ADAT1: variants seen among roughly 807,000 people sequenced by gnomAD.
The protein encoded by ADAT1 is adenosine deaminase tRNA specific 1.
ADAT1 carries 58 observed loss-of-function variants against 58.6 expected under a neutral mutation model. The observed-to-expected ratio is 0.99, with a 90% CI of 0.80 to 1.23. The LOEUF is 1.23. Among genes scored for constraint, ADAT1 ranks in the 50% most tolerant of loss-of-function variants. The pLI, the probability that ADAT1 is intolerant of heterozygous loss-of-function variation, is 0.00. For missense variants in ADAT1, 741 were observed against 608.6 expected (o/e 1.22, Z -2.29); for synonymous variants, 254 against 220.8 (o/e 1.15, Z -1.33).
chr16:75,619,014 G>A (rs2081840996), intron 3 of ADAT1, among the ~76,000 whole-genome samples: 1 of 152,214 alleles, frequency 6.6e-6, no homozygotes, highest in South Asian at 2.1e-4. Context: ...TCACCCCCAG[G>A]TGAGAAACAT....
chr16:75,614,784 A>G (rs1193971500), intron 5 of ADAT1, among the ~76,000 whole-genome samples: 3 of 152,222 alleles, frequency 2.0e-5, no homozygotes, highest in Non-Finnish European at 2.9e-5. Context: ...CCAGAGAGGC[A>G]CATTCTCTAG....
rs56029288 is a variant in ADAT1, at chr16:75,612,610, T to C, written c.676A>G (p.Ile226Val). The change falls in exon 6 of 10, where the codon ATC (isoleucine) becomes GTC (valine). Residue 226 changes from isoleucine (I) to valine (V), a missense_variant. Physicochemically the swap from Ile to Val is conservative, Grantham distance 29 (BLOSUM62 3). Transcript: ENST00000564657. ...QSFGKQKSGP[I>V]SPGIHSCDLT... Reference sequence around the variant, plus strand: ...TCACAGCTGTGGATGCCTGGTGAGATTGGGCCACTTTTCTGCTTGCCAAAA... The same window carrying C: ...TCACAGCTGTGGATGCCTGGTGAGACTGGGCCACTTTTCTGCTTGCCAAAA... 0.011 allele frequency: 17,236 copies of C among 1,613,934 alleles called. 1,564 individuals are homozygous for C. In the African/African-American group the frequency reaches 0.2, roughly 19 times the overall value.
intron 3 of ADAT1, 199 bp from the exon 4 acceptor site, chr16:75,618,839 GC>G: frequency 1.8e-6 from 1 of 548,812 alleles, no homozygotes; most frequent in Non-Finnish European, 3.1e-6. Flanking sequence ...GACATTTTGG[GC>G]CAGAAAATTT....
intron 6 of ADAT1, among the ~76,000 whole-genome samples, chr16:75,610,166 T>C (rs2081485846): frequency 6.6e-6 from 1 of 152,258 alleles, no homozygotes. Context: ...TATAGCTGAA[T>C]CATAGTCCAT....
intron 8 of ADAT1, among the ~76,000 whole-genome samples, chr16:75,603,829 G>C (rs1435438542): frequency 1.3e-5 from 2 of 152,270 alleles, no homozygotes; most frequent in African/African-American, 4.8e-5. Flanking sequence ...ACAATGTGCA[G>C]TCTCACTTTT....
chr16:75,617,097 G>A, intron 5 of ADAT1, 45 bp downstream of exon 5: 3 of 1,572,772 alleles, frequency 1.9e-6, no homozygotes, highest in South Asian at 1.1e-5. Flanking sequence ...CAAACATAAG[G>A]AAGTAGTTCA....
chr16:75,609,770 C>A (rs1233333895), intron 6 of ADAT1, among the ~76,000 whole-genome samples: 1 of 152,176 alleles, frequency 6.6e-6, no homozygotes, highest in Admixed American at 6.5e-5. Context: ...GTCACATGAT[C>A]TCGGCTCACT....
Position 75,608,935 on chromosome 16 carries a change from A to G in ADAT1, c.1097T>C (p.Ile366Thr). The G allele has an allele frequency of 6.2e-7, 1 of 1,614,228 alleles. No individual in the cohort carries two copies. The highest frequency in any genetic ancestry group is 8.5e-7 in the Non-Finnish European group (1 of 1,180,036). Residue 366 changes from isoleucine to threonine, a missense_variant, in exon 7 of 10, where the codon ATA (isoleucine) becomes ACA (threonine). Physicochemically the swap from Ile to Thr is moderately conservative, Grantham distance 89. Transcript: ENST00000564657. ...PKGFGVQELK[I>T]LQSDLLFEQS... ...TTCAAATAGTAAATCTGACTGCAGTATTTTTAATTCTTGAACTCCGAAGCC... is the reference window on the plus strand; with the variant it reads ...TTCAAATAGTAAATCTGACTGCAGTGTTTTTAATTCTTGAACTCCGAAGCC...
Position 75,600,311 on chromosome 16 carries a change from C to T in ADAT1, c.1414G>A (p.Ala472Thr), listed in dbSNP as rs778712606. 3.1e-6 allele frequency: 5 copies of T among 1,614,066 alleles called. No homozygotes were observed. The highest frequency in any genetic ancestry group is 3.3e-5 in the Admixed American group (2 of 60,006). ...KLDTYQEYKE[A>T]ASSYQEAWST... is the part of the protein sequence containing the mutation. ...CAGGCTTCCTGGTAAGAGGACGCAG[C>T]CTCCTTGTACTCCTGGTAGGTATCC... The change falls in exon 10 of 10, where the codon GCT becomes ACT. Residue 472 changes from alanine (A) to threonine (T), a missense_variant. Transcript: ENST00000564657.
intron 1 of ADAT1, among the ~76,000 whole-genome samples, chr16:75,621,985 T>C (rs2081944275): frequency 6.6e-6 from 1 of 152,094 alleles, no homozygotes; most frequent in African/African-American, 2.4e-5. Context: ...CTGTCTCTAC[T>C]GAAAATACAA....
chr16:75,598,855 T>C lies in ADAT1; in HGVS notation c.*1361A>G, dbSNP rs2081143811. 8 of 975,066 alleles carry C rather than the reference T, an allele frequency of 8.2e-6. No homozygotes were observed. The highest frequency in any genetic ancestry group is 8.5e-6 in the Non-Finnish European group (7 of 820,750). The allele number at this position is 975,066 out of a possible 1,614,324, so 60.4% of individuals were successfully genotyped here. On this transcript the variant is annotated 3_prime_UTR_variant, in exon 10 of 10. Coordinates refer to ENST00000564657, the MANE Select transcript of ADAT1 (RefSeq NM_001324445.2). ...AAAATGTATACTTTAGTTGGGTGAA[T>C]TTTATGGTCTGTGAATTATATCTCA...
At position 75,598,654 on chromosome 16, in the gene ADAT1, G is replaced by T. The variant is rs1167982658; in HGVS notation, c.*1562C>A. ...CTGCCTCAGCCTCCCAAGTAGCTGG[G>T]ACTACAGGCGTGCACCACCATGCCC... On this transcript the variant is annotated 3_prime_UTR_variant, in exon 10 of 10. Transcript: ENST00000564657. Among the ~76,000 whole-genome samples, 1 of 151,570 alleles carries T rather than the reference G, an allele frequency of 6.6e-6. No individual in the cohort carries two copies. The highest frequency in any genetic ancestry group is 6.6e-5 in the Admixed American group (1 of 15,220).
At chr16:75,610,749 T>C (rs1486636393) in intron 6 of ADAT1, among the ~76,000 whole-genome samples, 1 of 152,206 alleles carries the variant, frequency 6.6e-6, no homozygotes, top group Non-Finnish European at 1.5e-5. Flanking sequence ...GCACTGAGTT[T>C]GGCTGCCTCC....
chr16:75,609,000 G>C lies in ADAT1; in HGVS notation c.1044-12C>G. On this transcript the variant is annotated splice_polypyrimidine_tract_variant and intron_variant, in intron 6 of 9. Transcript: ENST00000564657. ...ACACATTCTGACACCTAAATACAAG[G>C]GAAAATGCATTCAGTTTAGGTGCAT... 18 of 1,613,800 alleles carry C rather than the reference G, an allele frequency of 1.1e-5. No homozygotes were observed. The highest frequency in any genetic ancestry group is 1.5e-5 in the Non-Finnish European group (18 of 1,179,904).
intron 3 of ADAT1, chr16:75,619,751 A>T (rs1215656239): frequency 2.5e-6 from 1 of 394,748 alleles, no homozygotes; most frequent in East Asian, 7.5e-5. Context: ...TCTCTAAAAA[A>T]ATACAAAAAT....
Position 75,598,860 on chromosome 16 carries a change from T to C in ADAT1, c.*1356A>G, listed in dbSNP as rs1381162149. ...GTATACTTTAGTTGGGTGAATTTTA[T>C]GGTCTGTGAATTATATCTCAATACA... On this transcript the variant is annotated 3_prime_UTR_variant, in exon 10 of 10. Transcript: ENST00000564657. The C allele has an allele frequency of 9.2e-6, 9 of 975,756 alleles. No homozygotes were observed. The highest frequency in any genetic ancestry group is 1.1e-5 in the Non-Finnish European group (9 of 821,380). 60.4% of individuals were successfully genotyped at this position (975,756 alleles called of 1,614,324 possible).
intron 4 of ADAT1, 30 bp downstream of exon 4, chr16:75,618,556 C>T (rs1031937104): frequency 6.7e-7 from 1 of 1,501,104 alleles, no homozygotes; most frequent in East Asian, 2.3e-5. Context: ...CCCAGTCCTG[C>T]TGAACCATAC....
Position 75,597,299 on chromosome 16 carries a change from C to T in ADAT1, c.*2917G>A, listed in dbSNP as rs2081092564. The T allele has an allele frequency of 1.5e-4, 63 of 412,152 alleles. No individual in the cohort carries two copies. Among genetic ancestry groups the T allele is most frequent in the South Asian group, 1.1e-3 (58 of 54,850 alleles). 25.5% of individuals were successfully genotyped at this position (412,152 alleles called of 1,614,324 possible). On this transcript the variant is annotated 3_prime_UTR_variant, in exon 10 of 10. Transcript: ENST00000564657. Reference sequence around the variant, plus strand: ...CACAGACACAGGGAAGAAGGCCATGCGAGACACAGACACAGAAGGCCATGT... The same window carrying T: ...CACAGACACAGGGAAGAAGGCCATGTGAGACACAGACACAGAAGGCCATGT...
At chr16:75,601,168 C>T (rs1352125306) in intron 9 of ADAT1, among the ~76,000 whole-genome samples, 1 of 151,944 alleles carries the variant, frequency 6.6e-6, no homozygotes, top group Non-Finnish European at 1.5e-5. Context: ...TGGTGAAACC[C>T]CATCTCTACT....
Sources: allele counts gnomAD v4.1 joint callset (sites outside exome capture counted in the v4.1 genomes callset), GRCh38; gene constraint gnomAD v4.1.1; transcripts MANE v1.5; gene names NCBI Gene and HGNC (gene_info 2026-07-23, HGNC 2026-07-21).